The following USP48 variants were observed in gnomAD, a reference collection of about 807,000 sequenced individuals.
USP48 encodes the protein ubiquitin carboxyl-terminal hydrolase 48.
Under a neutral mutation model 150.7 loss-of-function variants are expected in USP48, and 43 were observed. That is an observed-to-expected ratio of 0.29 (90% confidence interval 0.22 to 0.37). USP48 has a LOEUF of 0.37. USP48 is among the 10% of genes least tolerant of loss of function. The probability of loss-of-function intolerance (pLI) is 1.00; values close to 1 mark genes in which losing one functional copy is unlikely to be tolerated. For synonymous variants in USP48, 396 were observed against 425.9 expected (o/e 0.93, Z 0.86); for missense variants, 813 against 1,249.6 (o/e 0.65, Z 5.27).
At position 21,736,599 on chromosome 1, in the gene USP48, C is replaced by A; in HGVS notation, c.1018G>T (p.Ala340Ser). 6.6e-7 allele frequency: 1 copy of A among 1,520,908 alleles called. No homozygotes were observed. Among genetic ancestry groups the A allele is most frequent in the Non-Finnish European group, 8.8e-7 (1 of 1,141,846 alleles). 94.2% of individuals were successfully genotyped at this position (1,520,908 alleles called of 1,614,324 possible). ...KGGSYVYELS[A>S]VLIHRGVSAY... is the part of the protein sequence containing the mutation. ...CTCACTCCTCTGTGTATGAGGACTGCGCTGAGTTCATACACGTAGGACCCA... is the reference window on the plus strand; with the variant it reads ...CTCACTCCTCTGTGTATGAGGACTGAGCTGAGTTCATACACGTAGGACCCA... Residue 340 changes from alanine to serine, a missense_variant, in exon 9 of 27, where the codon GCA becomes TCA. Coordinates refer to ENST00000308271, the MANE Select transcript of USP48 (RefSeq NM_032236.8).
At chr1:21,782,525 G>A (rs111434027) in intron 1 of USP48, among the ~76,000 whole-genome samples, 5 of 152,206 alleles carry the variant, frequency 3.3e-5, no homozygotes, top group African/African-American at 1.2e-4. Flanking sequence ...CTGTGGCCAA[G>A]ATACCCCAAC....
Position 21,745,030 on chromosome 1 carries a change from C to T in USP48, c.991+2037G>A, listed in dbSNP as rs1015974163. Reference sequence around the variant, plus strand: ...AGATTTGTGTGGTTATGTGTGGGTACGGGAAAATATAAATACTAATTATCT... The same window carrying T: ...AGATTTGTGTGGTTATGTGTGGGTATGGGAAAATATAAATACTAATTATCT... On this transcript the variant is annotated intron_variant, in intron 8 of 26. Coordinates refer to ENST00000308271, the MANE Select transcript of USP48 (RefSeq NM_032236.8). Among the ~76,000 whole-genome samples the T allele has an allele frequency of 9.2e-5, 14 of 151,978 alleles. No individual in the cohort carries two copies. The Middle Eastern group carries it at 0.014, about 150-fold the overall frequency.
chr1:21,690,749 G>A (rs112213754), intron 23 of USP48, among the ~76,000 whole-genome samples: 1 of 151,786 alleles, frequency 6.6e-6, no homozygotes, highest in Non-Finnish European at 1.5e-5. Context: ...GGCTGGTCTC[G>A]AATTCTTAGA....
At chr1:21,772,483 C>T (rs961822281) in intron 1 of USP48, among the ~76,000 whole-genome samples, 2 of 151,686 alleles carry the variant, frequency 1.3e-5, no homozygotes, top group Admixed American at 6.6e-5. Context: ...ATTAGCTGGG[C>T]GTGGTGGCGG....
chr1:21,724,328 G>A (rs2097730415), intron 11 of USP48: 3 of 602,234 alleles, frequency 5.0e-6, no homozygotes, highest in African/African-American at 1.9e-5. Flanking sequence ...AGTGCCCTAT[G>A]AGATCGGCTG....
chr1:21,730,824 G>A (rs539794820), intron 9 of USP48, among the ~76,000 whole-genome samples: 1 of 149,968 alleles, frequency 6.7e-6, no homozygotes, highest in African/African-American at 2.5e-5. Flanking sequence ...GCAGTGGCGC[G>A]ATCTTGGCTC....
intron 23 of USP48, among the ~76,000 whole-genome samples, chr1:21,694,052 T>C (rs1185917810): frequency 6.6e-6 from 1 of 152,222 alleles, no homozygotes; most frequent in Non-Finnish European, 1.5e-5. Flanking sequence ...CTTGAATTTA[T>C]CAGTTCCTTC....
At chr1:21,756,252 A>G (rs2097834017) in intron 3 of USP48, among the ~76,000 whole-genome samples, 1 of 151,944 alleles carries the variant, frequency 6.6e-6, no homozygotes, top group Non-Finnish European at 1.5e-5. Flanking sequence ...AGGCCGAGGC[A>G]GCCACATCAC....
In USP48 at chr1:21,706,795, A is replaced by C; in HGVS notation, c.2037T>G (p.Phe679Leu). ...AACTTGGAAACTCAGGAGCCTTTGG[A>C]AAGTACTGCTGCAGTTTGCTCCAAG... ...KEAWSKLQQY[F>L]PKAPEFPSYK... Residue 679 changes from phenylalanine to leucine, a missense_variant, in exon 16 of 27, where the codon TTT (phenylalanine) becomes TTG (leucine). By Grantham distance (22) the Phe-to-Leu change is conservative. Transcript: ENST00000308271. 1 of 1,613,984 alleles carries C rather than the reference A, an allele frequency of 6.2e-7. No homozygotes were observed. The highest frequency in any genetic ancestry group is 8.5e-7 in the Non-Finnish European group (1 of 1,180,002).
chr1:21,706,773 T>C lies in USP48; in HGVS notation c.2059A>G (p.Ser687Gly), dbSNP rs755168894. The C allele has an allele frequency of 2.4e-5, 38 of 1,612,844 alleles. No individual in the cohort carries two copies. Among genetic ancestry groups the C allele is most frequent in the Non-Finnish European group, 3.0e-5 (35 of 1,179,746 alleles). ...QYFPKAPEFP[S>G]YKECCSQCKI... ...CACTGTGAACAGCACTCTTTGTAACTTGGAAACTCAGGAGCCTTTGGAAAG... is the reference window on the plus strand; with the variant it reads ...CACTGTGAACAGCACTCTTTGTAACCTGGAAACTCAGGAGCCTTTGGAAAG... The change falls in exon 16 of 27, where the codon AGT (serine) becomes GGT (glycine). Residue 687 changes from serine (S) to glycine (G), a missense_variant. Ser to Gly is a moderately conservative substitution (Grantham distance 56). Coordinates refer to ENST00000308271, the MANE Select transcript of USP48 (RefSeq NM_032236.8).
intron 14 of USP48, among the ~76,000 whole-genome samples, chr1:21,719,739 C>T (rs972365593): frequency 6.6e-6 from 1 of 152,120 alleles, no homozygotes; most frequent in Non-Finnish European, 1.5e-5. Context: ...TGGTGGTGTG[C>T]ACCTGTAATC....
chr1:21,728,038 C>A (rs1382121003), intron 11 of USP48: 2 of 985,290 alleles, frequency 2.0e-6, no homozygotes, highest in African/African-American at 1.7e-5. Context: ...TAAACATATA[C>A]AGAAAAGGGA....
At position 21,705,794 on chromosome 1, in the gene USP48, C is replaced by G. The variant is rs757910681; in HGVS notation, c.2317G>C (p.Ala773Pro). Residue 773 changes from alanine (A) to proline (P), a missense_variant, in exon 19 of 27, where the codon GCT becomes CCT. Ala to Pro is a conservative substitution (Grantham distance 27, BLOSUM62 -1). Transcript: ENST00000308271. ...AGGCCCCCGTGGGGACACAAAAGAG[C>G]ACTGTTCCCAACTGATGACACAGGG... ...CSPVSSVGNS[A>P]LLCPHGGLMF... The G allele has an allele frequency of 1.2e-6, 2 of 1,612,204 alleles. No individual in the cohort carries two copies. The highest frequency in any genetic ancestry group is 8.5e-7 in the Non-Finnish European group (1 of 1,179,466).
chr1:21,734,721 C>T (rs116373474), intron 9 of USP48, among the ~76,000 whole-genome samples: 4 of 152,288 alleles, frequency 2.6e-5, no homozygotes, highest in African/African-American at 9.6e-5. Context: ...CTGCATGTGT[C>T]ATCTCACTGT....
rs762446082 is a variant in USP48 at position 21,680,799 on chromosome 1, G to T, written c.3085+9C>A. ...CATTCATGAACAAAACATGACAAAT[G>T]TAACTTACCTTTAAACCCTTCTTCT... is the stretch of plus-strand genomic sequence containing the variant. On this transcript the variant is annotated intron_variant, in intron 26 of 26. Coordinates refer to ENST00000308271, the MANE Select transcript of USP48 (RefSeq NM_032236.8). 29 of 1,585,608 alleles carry T rather than the reference G, an allele frequency of 1.8e-5. No homozygotes were observed. The highest frequency in any genetic ancestry group is 1.7e-5 in the Non-Finnish European group (20 of 1,171,356).
chr1:21,766,752 C>T (rs575635274), intron 1 of USP48, among the ~76,000 whole-genome samples: 8 of 151,596 alleles, frequency 5.3e-5, no homozygotes, highest in Admixed American at 2.6e-4. Context: ...GCACTGCAAC[C>T]TCTACCTAAC....
At chr1:21,728,426 A>G (rs2152553463) in intron 11 of USP48, 144 bp downstream of exon 11, 1 of 1,439,572 alleles carries the variant, frequency 6.9e-7, no homozygotes, top group South Asian at 1.6e-5. Flanking sequence ...TTGTTGGTTT[A>G]CAAAGTACTT....
intron 22 of USP48, among the ~76,000 whole-genome samples, chr1:21,699,480 G>C (rs1393510570): frequency 6.6e-6 from 1 of 151,532 alleles, no homozygotes. Context: ...TTACAGGCAT[G>C]AGCCACCGTG....
intron 6 of USP48, among the ~76,000 whole-genome samples, chr1:21,749,393 G>A (rs1446158037): frequency 2.0e-5 from 3 of 152,012 alleles, no homozygotes; most frequent in Non-Finnish European, 4.4e-5. Flanking sequence ...ATCCAGCCAC[G>A]ACTTCTTCCT....
Sources: gnomAD v4.1 joint callset for allele counts (sites outside exome capture counted in the v4.1 genomes callset) on GRCh38, gnomAD v4.1.1 for gene constraint, MANE v1.5 for transcripts, NCBI Gene and HGNC (gene_info 2026-07-23, HGNC 2026-07-21) for gene names.